LRRC37A: variants seen among roughly 807,000 people sequenced by gnomAD.
The protein encoded by LRRC37A is leucine rich repeat containing 37A, also known as leucine-rich repeat-containing protein 37A.
In LRRC37A, 3 loss-of-function variants were observed where a neutral mutation model predicts 35.4. That is an observed-to-expected ratio of 0.08 (90% CI 0.04 to 0.22). The LOEUF (loss-of-function observed/expected upper bound fraction) is 0.22. LRRC37A is among the 10% of genes least tolerant of loss of function. The pLI is 1.00. For synonymous variants in LRRC37A, 23 were observed against 215.0 expected, an observed-to-expected ratio of 0.11 and a Z score of 7.81; for missense variants, 67 against 565.3, an observed-to-expected ratio of 0.12 and a Z score of 8.94.
the LRRC37A span, among the ~76,000 whole-genome samples, chr17:46,253,713 C>G: frequency 1.5e-5 from 2 of 137,182 alleles, no homozygotes; most frequent in East Asian, 4.6e-4. Context: ...AGTCCAGCAT[C>G]AGAGGGAGAC....
the LRRC37A span, among the ~76,000 whole-genome samples, chr17:46,280,259 G>A: frequency 1.3e-5 from 2 of 152,316 alleles, no homozygotes; most frequent in Middle Eastern, 3.4e-3. Context: ...AGCTACTTGG[G>A]AGGCTGAGGC....
the LRRC37A span, among the ~76,000 whole-genome samples, chr17:46,251,560 C>T: frequency 6.6e-6 from 1 of 150,590 alleles, no homozygotes; most frequent in Non-Finnish European, 1.5e-5. Flanking sequence ...ACCTGTCCTG[C>T]TTAACGTCTT....
upstream of LRRC37A, among the ~76,000 whole-genome samples, chr17:46,288,540 C>T (rs145950141): frequency 6.3e-3 from 956 of 152,060 alleles, 10 homozygotes; most frequent in African/African-American, 0.022. Flanking sequence ...TCAGGCGATC[C>T]ACCTGCCTTG....
chr17:46,291,737 C>T (rs1010572207), upstream of LRRC37A, among the ~76,000 whole-genome samples: 1 of 151,660 alleles, frequency 6.6e-6, no homozygotes, highest in African/African-American at 2.4e-5. Flanking sequence ...CCAGCCTGGG[C>T]AACATGGCAA....
chr17:46,290,230 AG>A (rs1473612257), upstream of LRRC37A, among the ~76,000 whole-genome samples: 5 of 152,194 alleles, frequency 3.3e-5, no homozygotes, highest in African/African-American at 1.2e-4. Flanking sequence ...CCTGGGGTCA[AG>A]CAGTCCCCTG....
intron 5 of LRRC37A, among the ~76,000 whole-genome samples, chr17:46,316,054 G>T: frequency 1.1e-4 from 1 of 9,120 alleles, no homozygotes; most frequent in Non-Finnish European, 2.8e-4. Flanking sequence ...CTCCTGAGTA[G>T]CTGGGACTGC....
At chr17:46,252,329 C>A in the LRRC37A span, among the ~76,000 whole-genome samples, 2 of 148,730 alleles carry the variant, frequency 1.3e-5, no homozygotes, top group East Asian at 3.9e-4. Context: ...CTCAGCCTCC[C>A]AAGTAGCTGG....
chr17:46,276,173 G>A, the LRRC37A span, among the ~76,000 whole-genome samples: 1 of 152,216 alleles, frequency 6.6e-6, no homozygotes. Context: ...TTACAAGTGT[G>A]AGCCACCAAG....
At chr17:46,265,453 TTCC>T in the LRRC37A span, among the ~76,000 whole-genome samples, 1 of 141,360 alleles carries the variant, frequency 7.1e-6, no homozygotes, top group Non-Finnish European at 1.6e-5. Context: ...CCTCCTCCTC[TTCC>T]TCCTCCTCTT....
the LRRC37A span, among the ~76,000 whole-genome samples, chr17:46,263,876 AG>A: frequency 7.0e-6 from 1 of 142,758 alleles, no homozygotes; most frequent in Non-Finnish European, 1.5e-5. Context: ...AAAAAAAAAG[AG>A]AGAGAGACAG....
chr17:46,264,971 G>A, the LRRC37A span, among the ~76,000 whole-genome samples: 4 of 152,378 alleles, frequency 2.6e-5, no homozygotes, highest in South Asian at 2.1e-4. Flanking sequence ...TAAAGAGCAC[G>A]TGAAAGAAGG....
chr17:46,268,558 C>T, the LRRC37A span: 2 of 1,501,650 alleles, frequency 1.3e-6, no homozygotes, highest in East Asian at 2.6e-5. Flanking sequence ...CAGCTTCCTA[C>T]AGCTCTGCTC....
the LRRC37A span, among the ~76,000 whole-genome samples, chr17:46,259,235 C>G: frequency 3.0e-5 from 3 of 98,458 alleles, no homozygotes; most frequent in African/African-American, 1.5e-4. Context: ...AAAGAAGATT[C>G]ATGCTAAGCT....
chr17:46,253,513 G>A, the LRRC37A span, among the ~76,000 whole-genome samples: 1 of 152,340 alleles, frequency 6.6e-6, no homozygotes, highest in Admixed American at 6.5e-5. Flanking sequence ...TCGGGAGGCC[G>A]AGGCTGGCGG....
upstream of LRRC37A, among the ~76,000 whole-genome samples, chr17:46,289,258 C>T (rs566346873): frequency 1.3e-5 from 2 of 151,072 alleles, no homozygotes; most frequent in Admixed American, 6.6e-5. Flanking sequence ...ACACGGCTTG[C>T]TATAGCCTTG....
the LRRC37A span, chr17:46,259,596 G>A: frequency 0.13 from 198,029 of 1,480,538 alleles, no homozygotes; most frequent in Non-Finnish European, 0.16. Context: ...ACCACAGGAG[G>A]TTGGCCCCAG....
chr17:46,332,420 C>A (rs2052004727), intron 9 of LRRC37A, 132 bp from the exon 10 acceptor site: 1 of 386,454 alleles, frequency 2.6e-6, no homozygotes. Context: ...CCACGGTACC[C>A]AAGCCTGGGT....
At chr17:46,256,905 A>T in the LRRC37A span, among the ~76,000 whole-genome samples, 1,873 of 152,318 alleles carry the variant, frequency 0.012, 18 homozygotes, top group Non-Finnish European at 0.022. Context: ...GGCTATGATT[A>T]TCAACTTAGA....
At chr17:46,253,555 C>G in the LRRC37A span, among the ~76,000 whole-genome samples, 2 of 152,216 alleles carry the variant, frequency 1.3e-5, no homozygotes, top group African/African-American at 4.8e-5. Context: ...GAGACCAGCC[C>G]GGCCAACGCA....
Sources: gnomAD v4.1 joint callset for allele counts (sites outside exome capture counted in the v4.1 genomes callset) on GRCh38, gnomAD v4.1.1 for gene constraint, MANE v1.5 for transcripts, NCBI Gene and HGNC (gene_info 2026-07-23, HGNC 2026-07-21) for gene names.